PDK1: variants seen among roughly 807,000 people sequenced by gnomAD.
PDK1 encodes [Pyruvate dehydrogenase (acetyl-transferring)] kinase isozyme 1, mitochondrial.
Under a neutral mutation model 54.2 loss-of-function variants are expected in PDK1, and 39 were observed. That is an observed-to-expected ratio of 0.72 (90% CI 0.56 to 0.94). The LOEUF is 0.94. PDK1 is among the 40% of genes least tolerant of loss of function. PDK1 has a pLI of 0.00. For synonymous variants in PDK1, 221 were observed against 207.1 expected (o/e 1.07, Z -0.58); for missense variants, 552 against 566.0 (o/e 0.98, Z 0.25).
the PDK1 span, among the ~76,000 whole-genome samples, chr2:172,699,568 G>A: frequency 1.3e-5 from 2 of 150,732 alleles, no homozygotes; most frequent in African/African-American, 2.4e-5. Flanking sequence ...AGTCTCTGTG[G>A]GACTCAGGTA....
the PDK1 span, among the ~76,000 whole-genome samples, chr2:172,703,694 T>G: frequency 1.3e-5 from 2 of 151,106 alleles, no homozygotes; most frequent in African/African-American, 4.8e-5. Flanking sequence ...TTCTAACTCC[T>G]CACACTTTGT....
At chr2:172,677,243 G>A in the PDK1 span, 5 of 152,170 alleles carry the variant, frequency 3.3e-5, no homozygotes, top group Non-Finnish European at 5.9e-5. Context: ...AAATGGTGTC[G>A]TTTTTGCAGC....
At chr2:172,580,603 T>C (rs1689851360) in intron 8 of PDK1, among the ~76,000 whole-genome samples, 1 of 152,306 alleles carries the variant, frequency 6.6e-6, no homozygotes, top group East Asian at 1.9e-4. Context: ...ATCCTACTCC[T>C]ATGTCTATAC....
the PDK1 span, among the ~76,000 whole-genome samples, chr2:172,709,361 C>G: frequency 6.6e-6 from 1 of 152,194 alleles, no homozygotes; most frequent in Middle Eastern, 3.2e-3. Context: ...TGTATTTCAT[C>G]AAAGTCATCC....
the PDK1 span, among the ~76,000 whole-genome samples, chr2:172,706,193 A>G: frequency 6.6e-6 from 1 of 151,956 alleles, no homozygotes; most frequent in African/African-American, 2.4e-5. Context: ...CTCCATTTCT[A>G]CAATTTTGTT....
chr2:172,709,513 G>C, the PDK1 span, among the ~76,000 whole-genome samples: 5 of 152,168 alleles, frequency 3.3e-5, no homozygotes, highest in Non-Finnish European at 5.9e-5. Flanking sequence ...GCTAATTCTT[G>C]CTTAATTTCA....
the PDK1 span, among the ~76,000 whole-genome samples, chr2:172,696,392 T>C: frequency 6.6e-6 from 1 of 152,190 alleles, no homozygotes; most frequent in Non-Finnish European, 1.5e-5. Flanking sequence ...ATATAGTTCA[T>C]GCACTACCCA....
chr2:172,643,551 G>A, the PDK1 span, among the ~76,000 whole-genome samples: 23 of 152,214 alleles, frequency 1.5e-4, no homozygotes, highest in African/African-American at 4.3e-4. Context: ...GCCTAAGCAG[G>A]CCTCCTCCTT....
intron 2 of PDK1, among the ~76,000 whole-genome samples, chr2:172,561,233 G>A (rs559695747): frequency 4.6e-5 from 7 of 152,276 alleles, no homozygotes; most frequent in Non-Finnish European, 1.0e-4. Flanking sequence ...AGGTCTGATC[G>A]GTGCCTGTTG....
At position 172,595,857 on chromosome 2, in the gene PDK1, T is replaced by C; in HGVS notation, c.1199T>C (p.Leu400Pro). 1 of 1,613,788 alleles carries C rather than the reference T, an allele frequency of 6.2e-7. No homozygotes were observed. Among genetic ancestry groups the C allele is most frequent in the Non-Finnish European group, 8.5e-7 (1 of 1,179,748 alleles). ...CTGTCAACAGACTCAATAGAAAGAC[T>C]CCCAGTGTATAACAAAGCTGCCTGG... Reference protein sequence around the residue: ...KALSTDSIERLPVYNKAAWKH... With the variant: ...KALSTDSIERPPVYNKAAWKH... Residue 400 changes from leucine (L) to proline (P), a missense_variant, in exon 11 of 11, where the codon CTC becomes CCC. Coordinates refer to ENST00000282077, the MANE Select transcript of PDK1 (RefSeq NM_002610.5).
At chr2:172,702,922 C>T in the PDK1 span, among the ~76,000 whole-genome samples, 10 of 152,078 alleles carry the variant, frequency 6.6e-5, no homozygotes, top group African/African-American at 1.9e-4. Context: ...TGTAGTGAGA[C>T]GAAAAGTGTG....
chr2:172,640,571 C>A, the PDK1 span, among the ~76,000 whole-genome samples: 1 of 152,190 alleles, frequency 6.6e-6, no homozygotes. Flanking sequence ...TAGCTGGCAG[C>A]TGTTTGCTTC....
At chr2:172,557,610 CGTGTGTGT>C (rs55753852) in intron 1 of PDK1, among the ~76,000 whole-genome samples, 3,910 of 141,988 alleles carry the variant, frequency 0.028, 143 homozygotes, top group African/African-American at 0.08. Context: ...TCTTTTTTCC[CGTGTGTGT>C]GTGTGTGTGT....
chr2:172,653,498 G>A, the PDK1 span, among the ~76,000 whole-genome samples: 1 of 152,020 alleles, frequency 6.6e-6, no homozygotes, highest in African/African-American at 2.4e-5. Flanking sequence ...GGCTACTTGG[G>A]CAGCTAAGTA....
chr2:172,649,747 G>A, the PDK1 span, among the ~76,000 whole-genome samples: 1 of 152,152 alleles, frequency 6.6e-6, no homozygotes, highest in Non-Finnish European at 1.5e-5. Context: ...AGTGATTGAA[G>A]ATCAAATGAA....
the PDK1 span, among the ~76,000 whole-genome samples, chr2:172,687,853 C>T: frequency 2.0e-5 from 3 of 152,180 alleles, no homozygotes; most frequent in Admixed American, 1.3e-4. Context: ...ATGGGGACTC[C>T]TCTTCTTGCC....
the PDK1 span, among the ~76,000 whole-genome samples, chr2:172,684,154 C>T: frequency 6.6e-6 from 1 of 152,206 alleles, no homozygotes; most frequent in Non-Finnish European, 1.5e-5. Context: ...GGTGCAGTGG[C>T]TTATGCCTGT....
chr2:172,642,683 C>G, the PDK1 span, among the ~76,000 whole-genome samples: 1 of 152,150 alleles, frequency 6.6e-6, no homozygotes, highest in African/African-American at 2.4e-5. Flanking sequence ...GTGGCCGGTC[C>G]CATCCTCAAG....
chr2:172,650,264 T>C, the PDK1 span, among the ~76,000 whole-genome samples: 1 of 152,274 alleles, frequency 6.6e-6, no homozygotes, highest in Admixed American at 6.5e-5. Flanking sequence ...AATAAAATCC[T>C]TTACAGACAA....
Sources: gnomAD v4.1 joint callset for allele counts (sites outside exome capture counted in the v4.1 genomes callset) on GRCh38, gnomAD v4.1.1 for gene constraint, MANE v1.5 for transcripts, NCBI Gene and HGNC (gene_info 2026-07-23, HGNC 2026-07-21) for gene names.